SCFD2: variants seen among roughly 807,000 people sequenced by gnomAD.
SCFD2 encodes the protein sec1 family domain containing 2, also known as sec1 family domain-containing protein 2.
In SCFD2, 54 loss-of-function variants were observed where a neutral mutation model predicts 58.9. The ratio of observed to expected loss-of-function variants is 0.92; its 90% CI spans 0.74 to 1.15. SCFD2 has a LOEUF of 1.15. Among genes scored for constraint, SCFD2 ranks in the 50% most tolerant of loss-of-function variants. The probability of loss-of-function intolerance (pLI) is 0.00; values close to 1 mark genes in which losing one functional copy is unlikely to be tolerated. For synonymous variants in SCFD2, 321 were observed against 335.9 expected, an observed-to-expected ratio of 0.96 and a Z score of 0.49; for missense variants, 805 against 836.6, an observed-to-expected ratio of 0.96 and a Z score of 0.47.
At chr4:53,092,665 A>G (rs1292438952) in intron 5 of SCFD2, among the ~76,000 whole-genome samples, 2 of 152,182 alleles carry the variant, frequency 1.3e-5, no homozygotes, top group African/African-American at 4.8e-5. Context: ...TATATGAAAC[A>G]ACCTTGACAG....
At chr4:53,044,327 C>T (rs772606165) in intron 5 of SCFD2, among the ~76,000 whole-genome samples, 2 of 152,096 alleles carry the variant, frequency 1.3e-5, no homozygotes, top group Admixed American at 6.6e-5. Flanking sequence ...GCTTTCCCTG[C>T]TCAAACTGCA....
chr4:53,303,615 G>T (rs538990896), intron 3 of SCFD2, among the ~76,000 whole-genome samples: 49 of 152,172 alleles, frequency 3.2e-4, no homozygotes, highest in Non-Finnish European at 6.0e-4. Context: ...TATACCCAAA[G>T]GATTAGAAAT....
rs531606733 is a variant in SCFD2 at position 53,089,564 on chromosome 4, A to G, written c.1561+55769T>C. Among the ~76,000 whole-genome samples the G allele has an allele frequency of 2.0e-3, 307 of 152,340 alleles. 4 individuals carry two copies. The highest frequency in any genetic ancestry group is 0.014 in the Middle Eastern group (4 of 294). ...GCTGGTACAAAAGTCAAATTTCTTT[A>G]ATTTGTAAAAGAGACAAATAACTAT... On this transcript the variant is annotated intron_variant, in intron 5 of 8. Transcript: ENST00000401642.
intron 3 of SCFD2, among the ~76,000 whole-genome samples, chr4:53,301,505 C>A (rs1381003361): frequency 6.6e-6 from 1 of 151,962 alleles, no homozygotes; most frequent in Admixed American, 6.6e-5. Flanking sequence ...GATTCACAGC[C>A]GAATTCTACC....
intron 5 of SCFD2, among the ~76,000 whole-genome samples, chr4:53,110,714 T>C (rs1008884178): frequency 6.6e-6 from 1 of 152,118 alleles, no homozygotes; most frequent in African/African-American, 2.4e-5. Flanking sequence ...TGTGGAGAAA[T>C]AGGAACACTT....
intron 4 of SCFD2, among the ~76,000 whole-genome samples, chr4:53,206,768 G>A (rs1728418432): frequency 6.6e-6 from 1 of 152,036 alleles, no homozygotes; most frequent in Non-Finnish European, 1.5e-5. Context: ...ATTCTGAACA[G>A]TCATTTTTAC....
chr4:53,024,489 T>C, intron 5 of SCFD2, among the ~76,000 whole-genome samples: 1 of 152,172 alleles, frequency 6.6e-6, no homozygotes, highest in East Asian at 1.9e-4. Context: ...TATAAATAGT[T>C]GAATGAATAG....
chr4:53,086,436 T>C (rs1275622928), intron 5 of SCFD2, among the ~76,000 whole-genome samples: 7 of 152,168 alleles, frequency 4.6e-5, no homozygotes. Flanking sequence ...TTGGTGGGAA[T>C]GTAAATTAGC....
At chr4:53,045,603 T>C (rs1723020938) in intron 5 of SCFD2, among the ~76,000 whole-genome samples, 1 of 152,168 alleles carries the variant, frequency 6.6e-6, no homozygotes, top group Non-Finnish European at 1.5e-5. Context: ...AATTTCCTTA[T>C]AAAATTAGAT....
At chr4:53,151,632 G>T (rs2148918444) in intron 4 of SCFD2, among the ~76,000 whole-genome samples, 1 of 152,294 alleles carries the variant, frequency 6.6e-6, no homozygotes, top group African/African-American at 2.4e-5. Flanking sequence ...CTTCTATGGT[G>T]CACAGCCTGA....
At position 52,873,583 on chromosome 4, in the gene SCFD2, CT is replaced by C. The variant is rs1718398826; in HGVS notation, c.*385del. ...ACTCATAATTCTAAAGCATGTCTAACTTCTCGAGCAACTTCAAATAAAAAGA... is the reference window on the plus strand; with the variant it reads ...ACTCATAATTCTAAAGCATGTCTAACTCTCGAGCAACTTCAAATAAAAAGA... On this transcript the variant is annotated 3_prime_UTR_variant, in exon 9 of 9. Coordinates refer to ENST00000401642, the MANE Select transcript of SCFD2 (RefSeq NM_152540.4). The C allele has an allele frequency of 6.2e-6, 1 of 162,254 alleles. No individual in the cohort carries two copies. Among genetic ancestry groups the C allele is most frequent in the African/African-American group, 2.4e-5 (1 of 41,658 alleles). 10.1% of individuals were successfully genotyped at this position (162,254 alleles called of 1,614,324 possible). A position where few individuals can be genotyped will look rare whatever the true frequency, so the allele number is the denominator to read the frequency against.
chr4:52,891,160 C>T (rs6839084), intron 7 of SCFD2, among the ~76,000 whole-genome samples: 38,240 of 151,812 alleles, frequency 0.25, 4,917 homozygotes, highest in African/African-American at 0.31. Flanking sequence ...CCACTCCCTC[C>T]GAACACTTCA....
At chr4:52,926,104 G>A (rs913256723) in intron 5 of SCFD2, among the ~76,000 whole-genome samples, 7 of 152,038 alleles carry the variant, frequency 4.6e-5, no homozygotes, top group Non-Finnish European at 8.8e-5. Flanking sequence ...TAATTAAAAT[G>A]CAGAGAAAAC....
chr4:53,346,548 A>G (rs1018520163), intron 2 of SCFD2, among the ~76,000 whole-genome samples: 7 of 152,168 alleles, frequency 4.6e-5, no homozygotes, highest in African/African-American at 1.4e-4. Context: ...CGCTGGGATT[A>G]CAGGCATGAG....
intron 5 of SCFD2, among the ~76,000 whole-genome samples, chr4:53,144,556 T>C (rs1020919199): frequency 1.4e-5 from 2 of 147,906 alleles, no homozygotes; most frequent in Admixed American, 6.8e-5. Flanking sequence ...ATAATATATA[T>C]ATAATATATA....
At chr4:53,197,230 T>A (rs1728085242) in intron 4 of SCFD2, among the ~76,000 whole-genome samples, 1 of 151,996 alleles carries the variant, frequency 6.6e-6, no homozygotes, top group Non-Finnish European at 1.5e-5. Context: ...TATTCTAGAG[T>A]TCTGCATTTA....
In SCFD2 at chr4:53,352,779, A is replaced by G. The variant is rs200928161; in HGVS notation, c.839-13T>C. ...TGTCCAACTGCTCCTGTTTAAGCAG[A>G]CAAGATGATGTAAATTCATAAAATG... On this transcript the variant is annotated splice_polypyrimidine_tract_variant and intron_variant, in intron 1 of 8. Coordinates refer to ENST00000401642, the MANE Select transcript of SCFD2 (RefSeq NM_152540.4). The G allele has an allele frequency of 1.2e-4, 199 of 1,602,222 alleles. No individual in the cohort carries two copies. Among genetic ancestry groups the G allele is most frequent in the Non-Finnish European group, 2.8e-5 (33 of 1,170,760 alleles).
intron 5 of SCFD2, among the ~76,000 whole-genome samples, chr4:53,032,037 C>A (rs563010439): frequency 5.3e-5 from 8 of 152,064 alleles, no homozygotes; most frequent in African/African-American, 1.7e-4. Context: ...GGCAGCCAGG[C>A]AGAAAGGTCG....
chr4:53,274,391 A>G (rs1004756533), intron 3 of SCFD2, among the ~76,000 whole-genome samples: 2 of 152,208 alleles, frequency 1.3e-5, no homozygotes, highest in Non-Finnish European at 2.9e-5. Context: ...GAAAAAGATA[A>G]GATTTCTAAT....
Sources: gnomAD v4.1 joint callset for allele counts (sites outside exome capture counted in the v4.1 genomes callset) on GRCh38, gnomAD v4.1.1 for gene constraint, MANE v1.5 for transcripts, NCBI Gene and HGNC (gene_info 2026-07-23, HGNC 2026-07-21) for gene names.